The following UBE2L3 variants were observed in gnomAD, a reference collection of about 807,000 sequenced individuals.
UBE2L3 encodes the protein ubiquitin-conjugating enzyme E2 L3.
In UBE2L3, 1 loss-of-function variant was observed where a neutral mutation model predicts 17.8. That is an observed-to-expected ratio of 0.06 (90% confidence interval 0.02 to 0.27). UBE2L3 has a LOEUF of 0.27. Ranked by LOEUF, UBE2L3 falls within the 10% of genes least tolerant of loss-of-function variation. The probability of loss-of-function intolerance (pLI) is 1.00; values close to 1 mark genes in which losing one functional copy is unlikely to be tolerated. For synonymous variants in UBE2L3, 44 were observed against 68.5 expected (o/e 0.64, Z 1.76); for missense variants, 40 against 192.6 (o/e 0.21, Z 4.69).
intron 2 of UBE2L3, among the ~76,000 whole-genome samples, chr22:21,606,313 G>A (rs1568985157): frequency 7.7e-6 from 1 of 129,448 alleles, no homozygotes; most frequent in Non-Finnish European, 1.7e-5. Flanking sequence ...CGTGTGTGTG[G>A]TATGTGTGTG....
At chr22:21,555,680 C>G (rs1338505590) in intron 1 of UBE2L3, among the ~76,000 whole-genome samples, 1 of 152,170 alleles carries the variant, frequency 6.6e-6, no homozygotes, top group African/African-American at 2.4e-5. Context: ...GCCTGTAATC[C>G]CAGCACTTTA....
intron 1 of UBE2L3, among the ~76,000 whole-genome samples, chr22:21,591,628 C>T (rs1568978924): frequency 6.6e-6 from 1 of 152,104 alleles, no homozygotes; most frequent in Admixed American, 6.5e-5. Flanking sequence ...TTTTAAACTA[C>T]CACTGTGTGA....
chr22:21,557,202 A>G (rs1035925472), intron 1 of UBE2L3, among the ~76,000 whole-genome samples: 1 of 152,222 alleles, frequency 6.6e-6, no homozygotes, highest in Non-Finnish European at 1.5e-5. Flanking sequence ...GCATCTCTAT[A>G]AAAAAATTAC....
chr22:21,612,574 C>T (rs1929543058), intron 3 of UBE2L3, among the ~76,000 whole-genome samples: 2 of 148,102 alleles, frequency 1.4e-5, no homozygotes, highest in Non-Finnish European at 2.9e-5. Context: ...ATCCGCCCGC[C>T]TCGGCCTCCC....
intron 1 of UBE2L3, among the ~76,000 whole-genome samples, chr22:21,583,466 T>A (rs1420552545): frequency 6.6e-6 from 1 of 152,204 alleles, no homozygotes; most frequent in Non-Finnish European, 1.5e-5. Context: ...TTGTTTACAT[T>A]GTACCAGTGT....
chr22:21,615,278 G>A (rs898626176), intron 3 of UBE2L3, among the ~76,000 whole-genome samples: 11 of 150,900 alleles, frequency 7.3e-5, no homozygotes, highest in East Asian at 2.0e-4. Context: ...TAAATGGGCC[G>A]GGCGCGGTGG....
intron 1 of UBE2L3, among the ~76,000 whole-genome samples, chr22:21,574,722 C>A (rs1927168641): frequency 6.6e-6 from 1 of 152,070 alleles, no homozygotes; most frequent in African/African-American, 2.4e-5. Context: ...ATCCTAGCAC[C>A]TTGGGAGGCC....
chr22:21,591,472 C>G (rs762252550), intron 1 of UBE2L3, among the ~76,000 whole-genome samples: 1 of 152,198 alleles, frequency 6.6e-6, no homozygotes, highest in Non-Finnish European at 1.5e-5. Context: ...CCACCTCTTC[C>G]GTGTATTCAT....
At chr22:21,619,582 G>C (rs905296373) in intron 3 of UBE2L3, among the ~76,000 whole-genome samples, 3 of 152,262 alleles carry the variant, frequency 2.0e-5, no homozygotes, top group Non-Finnish European at 4.4e-5. Context: ...AGGTTAGGCA[G>C]GTGGGTTTTG....
At chr22:21,614,863 C>CA (rs1408011007) in intron 3 of UBE2L3, among the ~76,000 whole-genome samples, 8 of 152,062 alleles carry the variant, frequency 5.3e-5, no homozygotes, top group Admixed American at 1.3e-4. Context: ...AGTGAATAAA[C>CA]AAAATGTGAG....
intron 2 of UBE2L3, among the ~76,000 whole-genome samples, chr22:21,595,678 T>C (rs1290389184): frequency 6.6e-6 from 1 of 152,194 alleles, no homozygotes; most frequent in Non-Finnish European, 1.5e-5. Context: ...TTTTTTTTCA[T>C]CTAAGATGCT....
intron 1 of UBE2L3, among the ~76,000 whole-genome samples, chr22:21,572,697 CAG>C (rs1161248041): frequency 9.2e-5 from 14 of 152,256 alleles, no homozygotes; most frequent in Non-Finnish European, 1.9e-4. Context: ...TAGAGAGCCA[CAG>C]AGACGTTCCT....
At chr22:21,561,216 G>C (rs1358204354) in intron 1 of UBE2L3, among the ~76,000 whole-genome samples, 9 of 152,308 alleles carry the variant, frequency 5.9e-5, no homozygotes, top group Non-Finnish European at 4.4e-5. Flanking sequence ...AAATGGGGTT[G>C]ATAGCAGTTC....
intron 2 of UBE2L3, among the ~76,000 whole-genome samples, chr22:21,599,416 A>G (rs78858020): frequency 0.013 from 1,917 of 152,114 alleles, 99 homozygotes; most frequent in South Asian, 0.13. Flanking sequence ...ATCCCCCTAC[A>G]TTGATGGGGC....
chr22:21,601,426 C>T (rs1928853351), intron 2 of UBE2L3, among the ~76,000 whole-genome samples: 1 of 151,562 alleles, frequency 6.6e-6, no homozygotes, highest in Non-Finnish European at 1.5e-5. Context: ...GATTCTCCTG[C>T]CTCAGCCTCC....
At chr22:21,599,250 T>G (rs1928726249) in intron 2 of UBE2L3, among the ~76,000 whole-genome samples, 1 of 152,186 alleles carries the variant, frequency 6.6e-6, no homozygotes, top group South Asian at 2.1e-4. Context: ...GCTCAGCACT[T>G]GCCTGTAATT....
rs543227230 is a variant in UBE2L3, at chr22:21,609,709, ATAAG to A, written c.124-1141_124-1138del. On this transcript the variant is annotated intron_variant, in intron 2 of 3. Transcript: ENST00000342192. ...CAGAGCAAGACCCTGTCAAAAATAA[ATAAG>A]TAAGTATGAAGTGGGGGAAAAACAA... 1.4e-3 allele frequency among the ~76,000 whole-genome samples: 220 copies of A among 151,984 alleles called. 1 individual carries two copies. Among genetic ancestry groups the A allele is most frequent in the South Asian group, 4.6e-3 (22 of 4,810 alleles).
intron 1 of UBE2L3, among the ~76,000 whole-genome samples, chr22:21,562,075 C>T (rs1926451716): frequency 6.6e-6 from 1 of 152,014 alleles, no homozygotes; most frequent in Non-Finnish European, 1.5e-5. Context: ...TCTGCGAGGC[C>T]CCTCCTCTGA....
At chr22:21,582,281 C>T (rs192498779) in intron 1 of UBE2L3, among the ~76,000 whole-genome samples, 3 of 151,638 alleles carry the variant, frequency 2.0e-5, no homozygotes, top group Admixed American at 2.0e-4. Context: ...AGAAATGACA[C>T]TGCATTCATC....
Sources: gnomAD v4.1 joint callset for allele counts (sites outside exome capture counted in the v4.1 genomes callset) on GRCh38, gnomAD v4.1.1 for gene constraint, MANE v1.5 for transcripts, NCBI Gene and HGNC (gene_info 2026-07-23, HGNC 2026-07-21) for gene names.